Variants in MYG1 observed in about 807,000 individuals in gnomAD.
MYG1 encodes MYG1 exonuclease.
Under a neutral mutation model 43.5 loss-of-function variants are expected in MYG1, and 36 were observed. The ratio of observed to expected loss-of-function variants is 0.83; its 90% confidence interval spans 0.63 to 1.09. The LOEUF is 1.09. MYG1 is among the 50% of genes least tolerant of loss of function. The pLI, the probability that MYG1 is intolerant of heterozygous loss-of-function variation, is 0.00. For synonymous variants in MYG1, 220 were observed against 202.8 expected (o/e 1.08, Z -0.72); for missense variants, 529 against 495.1 (o/e 1.07, Z -0.65).
chr12:53,304,067 TCTC>T (rs1363923959), intron 3 of MYG1, among the ~76,000 whole-genome samples: 1 of 151,718 alleles, frequency 6.6e-6, no homozygotes, highest in Non-Finnish European at 1.5e-5. Flanking sequence ...ATGGTCTTGA[TCTC>T]CTGACCTCGT....
At chr12:53,302,783 T>G (rs1305374347) in intron 2 of MYG1, among the ~76,000 whole-genome samples, 1 of 152,130 alleles carries the variant, frequency 6.6e-6, no homozygotes, top group Non-Finnish European at 1.5e-5. Flanking sequence ...CTGAAGGCTC[T>G]CCTCTGAACC....
chr12:53,299,966 AAAAGTGACCCTGGGACTGCGTGCATGC>A lies in MYG1; in HGVS notation c.216+15_216+41del. 6.2e-7 allele frequency: 1 copy of A among 1,613,896 alleles called. No individual in the cohort carries two copies. The highest frequency in any genetic ancestry group is 1.6e-4 in the Middle Eastern group (1 of 6,062). Reference sequence around the variant, plus strand: ...GCCGGAGTACCGGGTACGGTCCGCGAAAAGTGACCCTGGGACTGCGTGCATGCATGCCTCCGGGGTGGATGGCATTCC... The same window carrying A: ...GCCGGAGTACCGGGTACGGTCCGCGAATGCCTCCGGGGTGGATGGCATTCC... On this transcript the variant is annotated intron_variant, in intron 1 of 6. Coordinates refer to ENST00000267103, the MANE Select transcript of MYG1 (RefSeq NM_021640.4).
intron 3 of MYG1, among the ~76,000 whole-genome samples, chr12:53,304,841 CCACCT>C (rs1944258787): frequency 6.7e-6 from 1 of 148,684 alleles, no homozygotes; most frequent in Admixed American, 6.8e-5. Context: ...AGTGATCCTC[CCACCT>C]CAGCCTAAAC....
chr12:53,302,949 G>A, intron 2 of MYG1, 85 bp from the exon 3 acceptor site: 2 of 1,345,430 alleles, frequency 1.5e-6, no homozygotes, highest in Non-Finnish European at 2.0e-6. Context: ...TGGCAGATAG[G>A]AAGCATTGAG....
intron 3 of MYG1, 87 bp downstream of exon 3, chr12:53,303,280 C>A (rs1375563315): frequency 6.8e-7 from 1 of 1,471,054 alleles, no homozygotes; most frequent in Non-Finnish European, 9.2e-7. Flanking sequence ...CAGCACTGGG[C>A]CTCGGGTCAG....
chr12:53,303,307 C>A, intron 3 of MYG1, 114 bp downstream of exon 3: 1 of 1,151,496 alleles, frequency 8.7e-7, no homozygotes, highest in Non-Finnish European at 1.2e-6. Context: ...TGGCCTATAG[C>A]AGGCCCAACA....
chr12:53,301,555 C>T (rs542692428), intron 2 of MYG1, among the ~76,000 whole-genome samples: 117 of 152,280 alleles, frequency 7.7e-4, no homozygotes, highest in African/African-American at 2.7e-3. Context: ...CAGTTCATTC[C>T]CCTCAAGCCC....
chr12:53,299,945 G>A lies in MYG1; in HGVS notation c.208G>A (p.Glu70Lys), dbSNP rs763748665. 3.1e-6 allele frequency: 5 copies of A among 1,614,056 alleles called. No individual in the cohort carries two copies. In the African/African-American group the frequency reaches 4.0e-5, roughly 13 times the overall value. ...ATGCGCACTGCTTCGCCTCCTGCCG[G>A]AGTACCGGGTACGGTCCGCGAAAAG... ...LACALLRLLP[E>K]YRDAEIVRTR... Residue 70 changes from glutamate to lysine, a missense_variant, in exon 1 of 7, where the codon GAG (glutamate) becomes AAG (lysine). Glu to Lys is a moderately conservative substitution (Grantham distance 56). Transcript: ENST00000267103.
chr12:53,304,849 G>A (rs1464714737), intron 3 of MYG1, among the ~76,000 whole-genome samples: 3 of 143,370 alleles, frequency 2.1e-5, no homozygotes, highest in Admixed American at 7.3e-5. Flanking sequence ...TCCCACCTCA[G>A]CCTAAACCCA....
rs746208275 is a variant in MYG1 at position 53,306,946 on chromosome 12, T to C, written c.948-20T>C. 5.0e-6 allele frequency: 8 copies of C among 1,611,854 alleles called. No homozygotes were observed. In the East Asian group the frequency reaches 1.8e-4, roughly 36 times the overall value. On this transcript the variant is annotated intron_variant, in intron 6 of 6. Transcript: ENST00000267103. The stretch of plus-strand genomic sequence containing the variant: ...AGGCTGCCAACTCTGACCCCTGCTG[T>C]ACTCCCTCTTTCTGCCCAGGCTGCC...
In MYG1 at chr12:53,306,841, G is replaced by A; in HGVS notation, c.927G>A (p.Glu309=). The A allele has an allele frequency of 6.2e-7, 1 of 1,613,520 alleles. No individual in the cohort carries two copies. ...GGCGAATACAGTGTGTGCCCAAGGA[G>A]CCCCACTCATTCCAAAGCCGGTGAG... ...GQWRIQCVPK[E]PHSFQSRLPL... Residue 309 remains glutamate (E), a synonymous_variant, in exon 6 of 7, where the codon GAG becomes GAA. Transcript: ENST00000267103.
chr12:53,306,046 G>A lies in MYG1; in HGVS notation c.628G>A (p.Asp210Asn), dbSNP rs937356878. The A allele has an allele frequency of 8.7e-6, 14 of 1,613,192 alleles. No individual in the cohort carries two copies. The highest frequency in any genetic ancestry group is 5.3e-5 in the African/African-American group (4 of 74,882). ...ACTTAATCCTACCTGGAACCACCCC[G>A]ACCAAGACACTGAGGTAAGGTGGCC... is the stretch of plus-strand genomic sequence containing the variant. ...ARLNPTWNHP[D>N]QDTEAGFKRA... Residue 210 changes from aspartate (D) to asparagine (N), a missense_variant, in exon 4 of 7, where the codon GAC (aspartate) becomes AAC (asparagine). Physicochemically the swap from Asp to Asn is conservative, Grantham distance 23 (BLOSUM62 1). Coordinates refer to ENST00000267103, the MANE Select transcript of MYG1 (RefSeq NM_021640.4).
chr12:53,305,103 C>T (rs1944263146), intron 3 of MYG1, among the ~76,000 whole-genome samples: 1 of 134,894 alleles, frequency 7.4e-6, no homozygotes, highest in Non-Finnish European at 1.7e-5. Context: ...CTCCTGACCT[C>T]GTGATCCGCC....
rs559120995 is a variant in MYG1, at chr12:53,301,243, C to T, written c.329+981C>T. Among the ~76,000 whole-genome samples, 6 of 152,178 alleles carry T rather than the reference C, an allele frequency of 3.9e-5. No homozygotes were observed. In the South Asian group the frequency reaches 1.0e-3, roughly 26 times the overall value. ...CCTCTGGGATTTCATGTCACAGTTCCACTAGTGTCTCTGCCTCTCCTTCCC... is the reference window on the plus strand; with the variant it reads ...CCTCTGGGATTTCATGTCACAGTTCTACTAGTGTCTCTGCCTCTCCTTCCC... On this transcript the variant is annotated intron_variant, in intron 2 of 6. Transcript: ENST00000267103.
chr12:53,305,686 G>C (rs1944269137), intron 3 of MYG1: 2 of 514,770 alleles, frequency 3.9e-6, no homozygotes. Flanking sequence ...AGCAGAATGA[G>C]CATGGATTAG....
rs1254006377 is a variant in MYG1 at position 53,306,850 on chromosome 12, A to T, written c.936A>T (p.Ser312=). 1.9e-6 allele frequency: 3 copies of T among 1,613,114 alleles called. No individual in the cohort carries two copies. In the African/African-American group the frequency reaches 4.0e-5, roughly 22 times the overall value. The change falls in exon 6 of 7, where the codon TCA becomes TCT. Residue 312 remains serine, a synonymous_variant. Transcript: ENST00000267103. ...AGTGTGTGCCCAAGGAGCCCCACTC[A>T]TTCCAAAGCCGGTGAGGCCCTAGGG... is the stretch of plus-strand genomic sequence containing the variant. ...RIQCVPKEPH[S]FQSRLPLPEP... is the part of the protein sequence containing the mutation.
chr12:53,305,259 C>T (rs912871984), intron 3 of MYG1, among the ~76,000 whole-genome samples: 31 of 152,164 alleles, frequency 2.0e-4, no homozygotes, highest in Admixed American at 1.0e-3. Flanking sequence ...GAGAGTAGCA[C>T]TTTTCTACAT....
Position 53,300,225 on chromosome 12 carries a change from T to C in MYG1, c.292T>C (p.Tyr98His). Residue 98 changes from tyrosine to histidine, a missense_variant, in exon 2 of 7, where the codon TAC (tyrosine) becomes CAC (histidine). Tyr to His is a moderately conservative substitution (Grantham distance 83). Transcript: ENST00000267103. ...CDIVVDVGGE[Y>H]DPRRHRYDHH... ...CATCGTGGTGGACGTGGGGGGCGAGTACGACCCTCGGAGACACCGATATGA... is the reference window on the plus strand; with the variant it reads ...CATCGTGGTGGACGTGGGGGGCGAGCACGACCCTCGGAGACACCGATATGA... The C allele has an allele frequency of 6.2e-7, 1 of 1,602,232 alleles. No individual in the cohort carries two copies. The highest frequency in any genetic ancestry group is 8.5e-7 in the Non-Finnish European group (1 of 1,174,218).
intron 2 of MYG1, among the ~76,000 whole-genome samples, chr12:53,301,711 A>C (rs755876594): frequency 6.6e-6 from 1 of 152,180 alleles, no homozygotes; most frequent in Non-Finnish European, 1.5e-5. Flanking sequence ...TGTTTTTAAG[A>C]TGGAGTCTCG....
Sources: allele counts gnomAD v4.1 joint callset (sites outside exome capture counted in the v4.1 genomes callset), GRCh38; gene constraint gnomAD v4.1.1; transcripts MANE v1.5; gene names NCBI Gene and HGNC (gene_info 2026-07-23, HGNC 2026-07-21).